Variants in USP32 observed in about 807,000 individuals in gnomAD.
The protein encoded by USP32 is ubiquitin carboxyl-terminal hydrolase 32.
A neutral mutation model predicts 204.8 loss-of-function variants in USP32; 59 were observed. The observed-to-expected ratio is 0.29, with a 90% CI of 0.23 to 0.36. USP32 has a LOEUF of 0.36. USP32 is among the 10% of genes least tolerant of loss of function. The pLI, the probability that USP32 is intolerant of heterozygous loss-of-function variation, is 1.00. For synonymous variants in USP32, 517 were observed against 678.4 expected (o/e 0.76, Z 3.70); for missense variants, 1,160 against 1,946.4 (o/e 0.60, Z 7.60).
chr17:60,301,482 C>T (rs2087573544), intron 3 of USP32, 117 bp downstream of exon 3: 2 of 577,010 alleles, frequency 3.5e-6, no homozygotes, highest in South Asian at 2.9e-5. Context: ...GTTTATTTAC[C>T]ACTTGTATAT....
chr17:60,236,250 C>CAA lies in USP32; in HGVS notation c.1137-12_1137-11dup. The CAA allele has an allele frequency of 1.9e-6, 3 of 1,606,978 alleles. No homozygotes were observed. In the South Asian group the frequency reaches 3.3e-5, roughly 18 times the overall value. On this transcript the variant is annotated splice_polypyrimidine_tract_variant and intron_variant, in intron 11 of 33. Coordinates refer to ENST00000300896, the MANE Select transcript of USP32 (RefSeq NM_032582.4). ...TCGTTCTAACCATCCTCTGTATGTA[C>CAA]AAAAGAAATTAAATACATCAAACAA...
intron 2 of USP32, among the ~76,000 whole-genome samples, chr17:60,310,438 C>T (rs1260060086): frequency 6.6e-6 from 1 of 152,096 alleles, no homozygotes; most frequent in African/African-American, 2.4e-5. Flanking sequence ...CGGTGGTTCA[C>T]GCCTGTAATC....
chr17:60,206,889 G>T (rs1323704359), intron 25 of USP32, 132 bp downstream of exon 25: 1 of 1,425,648 alleles, frequency 7.0e-7, no homozygotes, highest in Non-Finnish European at 9.3e-7. Flanking sequence ...GGAATAATCA[G>T]TAAGGTTTCC....
chr17:60,422,324 G>A lies in USP32; in HGVS notation c.28C>T (p.Gln10Ter), dbSNP rs1247841613. The stretch of plus-strand genomic sequence containing the variant: ...CCTCTCCTGGCCTGCTGTGCGCTCT[G>A]CCAAAGTCTTCGCTCGACCCCGCAC... The change falls in exon 1 of 4, where the codon CAG becomes TAG. Residue 10 changes from glutamine (Q) to a stop codon, truncating the protein, a stop_gained. Coordinates refer to the USP32 transcript ENST00000588898. LOFTEE classifies it high-confidence loss of function. The A allele has an allele frequency of 2.8e-6, 2 of 712,744 alleles. No homozygotes were observed. The highest frequency in any genetic ancestry group is 8.7e-5 in the East Asian group (2 of 22,880). The allele number at this position is 712,744 out of a possible 1,614,324, so 44.2% of individuals were successfully genotyped here. A position where few individuals can be genotyped will look rare whatever the true frequency, so the allele number is the denominator to read the frequency against.
chr17:60,249,402 T>A (rs1235591769), intron 11 of USP32: 1 of 260,300 alleles, frequency 3.8e-6, no homozygotes, highest in Non-Finnish European at 7.2e-6. Flanking sequence ...GAAAGCTTGC[T>A]AAGGCTCACT....
chr17:60,393,125 A>G (rs1030256483), upstream of USP32, among the ~76,000 whole-genome samples: 2 of 152,122 alleles, frequency 1.3e-5, no homozygotes, highest in African/African-American at 2.4e-5. Flanking sequence ...TAACTCCCCA[A>G]TCCCCCTCCC....
intron 4 of USP32, among the ~76,000 whole-genome samples, chr17:60,293,650 T>C (rs916445843): frequency 3.9e-5 from 6 of 152,174 alleles, no homozygotes; most frequent in African/African-American, 1.4e-4. Flanking sequence ...ACAGGAGATA[T>C]TCAAAACCAG....
chr17:60,421,868 G>C (rs1171240338), intron 1 of USP32: 3 of 985,356 alleles, frequency 3.0e-6, no homozygotes, highest in South Asian at 9.4e-5. Context: ...GGCCGGCGAC[G>C]GGACTTGCCC....
intron 28 of USP32, among the ~76,000 whole-genome samples, chr17:60,191,886 C>T (rs2084391619): frequency 1.3e-5 from 2 of 152,126 alleles, no homozygotes; most frequent in South Asian, 4.1e-4. Context: ...AGGCACTTTC[C>T]CTGTTGTAAC....
chr17:60,260,891 T>TAAAAC (rs901122240), intron 9 of USP32, among the ~76,000 whole-genome samples: 1 of 152,048 alleles, frequency 6.6e-6, no homozygotes, highest in Non-Finnish European at 1.5e-5. Flanking sequence ...TTTTAATTCT[T>TAAAAC]AAAACAAAAC....
chr17:60,249,211 C>G (rs1227855263), intron 11 of USP32: 1 of 152,496 alleles, frequency 6.6e-6, no homozygotes, highest in South Asian at 2.1e-4. Flanking sequence ...TGGATCTGTA[C>G]ATGGTTTGGG....
chr17:60,343,321 C>T (rs1410221467), intron 2 of USP32, among the ~76,000 whole-genome samples: 1 of 152,180 alleles, frequency 6.6e-6, no homozygotes, highest in Admixed American at 6.5e-5. Context: ...ATCTACAGAA[C>T]TCTCCACCCC....
rs374584121 is a variant in USP32, at chr17:60,421,767, T to C, written c.106+479A>G. 2.8e-5 allele frequency: 25 copies of C among 894,230 alleles called. No homozygotes were observed. The African/African-American group carries it at 3.2e-4, about 12-fold the overall frequency. The allele number at this position is 894,230 out of a possible 1,614,324, so 55.4% of individuals were successfully genotyped here. The stretch of plus-strand genomic sequence containing the variant: ...GCCCACCGCGTTTCCGCCCTCGGCC[T>C]CGGGTCCCTGGAGGGCTCGCGGGTA... On this transcript the variant is annotated intron_variant, in intron 1 of 3. Transcript: ENST00000588898.
intron 11 of USP32, among the ~76,000 whole-genome samples, chr17:60,248,892 T>C (rs146616953): frequency 8.0e-4 from 122 of 152,308 alleles, no homozygotes; most frequent in African/African-American, 2.9e-3. Context: ...CTCATAATTT[T>C]TTCTTGTTGA....
chr17:60,192,954 A>T (rs751332802), intron 27 of USP32, 24 bp from the exon 28 acceptor site: 1 of 1,612,190 alleles, frequency 6.2e-7, no homozygotes. Flanking sequence ...GAACAAAAAG[A>T]GTGTAAGAAG....
chr17:60,392,764 AG>A, upstream of USP32: 2 of 321,034 alleles, frequency 6.2e-6, no homozygotes, highest in South Asian at 4.4e-5. Flanking sequence ...GAGATCCCTG[AG>A]GAAAGTGGAC....
chr17:60,287,480 C>G (rs1481994630), intron 5 of USP32, among the ~76,000 whole-genome samples: 1 of 152,124 alleles, frequency 6.6e-6, no homozygotes. Flanking sequence ...GGGCTTTGAG[C>G]ATTTACCTGG....
At chr17:60,223,883 G>A (rs2085318627) in intron 13 of USP32, among the ~76,000 whole-genome samples, 1 of 152,188 alleles carries the variant, frequency 6.6e-6, no homozygotes, top group Non-Finnish European at 1.5e-5. Flanking sequence ...GGGAAGAGCT[G>A]GGCTAAGTGG....
intron 2 of USP32, among the ~76,000 whole-genome samples, chr17:60,320,381 C>T (rs2088083391): frequency 6.6e-6 from 1 of 152,176 alleles, no homozygotes; most frequent in African/African-American, 2.4e-5. Context: ...ATTACTATAT[C>T]TACCCAATTA....
Sources: allele counts gnomAD v4.1 joint callset (sites outside exome capture counted in the v4.1 genomes callset), GRCh38; gene constraint gnomAD v4.1.1; transcripts MANE v1.5; gene names NCBI Gene and HGNC (gene_info 2026-07-23, HGNC 2026-07-21).